GRIK1: variants seen among roughly 807,000 people sequenced by gnomAD.
The protein encoded by GRIK1 is glutamate ionotropic receptor kainate type subunit 1, also known as glutamate receptor ionotropic, kainate 1.
In GRIK1, 69 loss-of-function variants were observed where a neutral mutation model predicts 105.7. The observed-to-expected ratio is 0.65, with a 90% CI of 0.54 to 0.80. The LOEUF is 0.80. Ranked by LOEUF, GRIK1 falls within the 30% of genes least tolerant of loss-of-function variation. The probability of loss-of-function intolerance (pLI) is 0.00; values close to 1 mark genes in which losing one functional copy is unlikely to be tolerated. For synonymous variants in GRIK1, 438 were observed against 431.3 expected, an observed-to-expected ratio of 1.02 and a Z score of -0.19; for missense variants, 1,109 against 1,167.3, an observed-to-expected ratio of 0.95 and a Z score of 0.73.
intron 2 of GRIK1, among the ~76,000 whole-genome samples, chr21:29,693,080 T>G (rs985149509): frequency 6.6e-6 from 1 of 152,166 alleles, no homozygotes; most frequent in Non-Finnish European, 1.5e-5. Flanking sequence ...TGTGTGTATT[T>G]AGTAGGCAAG....
At chr21:29,858,630 C>T (rs936146663) in intron 1 of GRIK1, among the ~76,000 whole-genome samples, 4 of 152,118 alleles carry the variant, frequency 2.6e-5, no homozygotes, top group Non-Finnish European at 5.9e-5. Context: ...GCATGAAAGT[C>T]TTCAGAGGAG....
At chr21:29,692,287 G>T (rs2063598560) in intron 2 of GRIK1, among the ~76,000 whole-genome samples, 1 of 152,136 alleles carries the variant, frequency 6.6e-6, no homozygotes, top group Admixed American at 6.5e-5. Context: ...GCTTTCTACA[G>T]TATTTGCTCC....
intron 1 of GRIK1, among the ~76,000 whole-genome samples, chr21:29,877,352 GT>G (rs2069228160): frequency 1.3e-5 from 2 of 152,054 alleles, no homozygotes; most frequent in Admixed American, 6.6e-5. Context: ...ATGAGGAAAT[GT>G]TTCAAAGTAT....
intron 7 of GRIK1, 69 bp from the exon 8 acceptor site, chr21:29,599,006 A>G: frequency 1.4e-6 from 1 of 720,754 alleles, no homozygotes; most frequent in Non-Finnish European, 2.4e-6. Context: ...CATCAAAATT[A>G]TAATACCTCA....
At chr21:29,604,246 C>G (rs2146342141) in intron 7 of GRIK1, among the ~76,000 whole-genome samples, 1 of 152,224 alleles carries the variant, frequency 6.6e-6, no homozygotes, top group East Asian at 1.9e-4. Flanking sequence ...AAAAAAGTTC[C>G]CTTTTCATGT....
At chr21:29,808,389 A>G (rs1472966789) in intron 1 of GRIK1, among the ~76,000 whole-genome samples, 1 of 152,184 alleles carries the variant, frequency 6.6e-6, no homozygotes, top group Non-Finnish European at 1.5e-5. Flanking sequence ...CAAGCCTAAT[A>G]CAATACACAG....
At chr21:29,623,412 C>A (rs1237986670) in intron 7 of GRIK1, among the ~76,000 whole-genome samples, 1 of 151,584 alleles carries the variant, frequency 6.6e-6, no homozygotes, top group Non-Finnish European at 1.5e-5. Context: ...TAGTTATGAC[C>A]CAAACCCTGC....
At chr21:29,708,711 C>A (rs1054836209) in intron 1 of GRIK1, among the ~76,000 whole-genome samples, 4 of 152,294 alleles carry the variant, frequency 2.6e-5, no homozygotes, top group African/African-American at 9.6e-5. Context: ...CAGCCTGGGA[C>A]GTTGGAGCAG....
chr21:29,666,517 G>C (rs1327605421), intron 4 of GRIK1, among the ~76,000 whole-genome samples: 1 of 152,096 alleles, frequency 6.6e-6, no homozygotes, highest in Admixed American at 6.6e-5. Context: ...TCATTTTCAA[G>C]GTCTCTTTTT....
intron 7 of GRIK1, among the ~76,000 whole-genome samples, chr21:29,603,898 T>A (rs2061565734): frequency 6.6e-6 from 1 of 152,194 alleles, no homozygotes; most frequent in South Asian, 2.1e-4. Flanking sequence ...GATGTAGTTA[T>A]CTTCATTAAA....
chr21:29,595,185 C>T (rs2061387937), intron 9 of GRIK1, among the ~76,000 whole-genome samples: 1 of 151,928 alleles, frequency 6.6e-6, no homozygotes, highest in Non-Finnish European at 1.5e-5. Context: ...AAGTTACAAC[C>T]CTCGGGAGTG....
chr21:29,538,340 C>A (rs978194726), intron 16 of GRIK1, among the ~76,000 whole-genome samples: 2 of 152,044 alleles, frequency 1.3e-5, no homozygotes, highest in Non-Finnish European at 2.9e-5. Flanking sequence ...CAGCATGATT[C>A]CACTTATATG....
intron 14 of GRIK1, among the ~76,000 whole-genome samples, chr21:29,573,245 C>T (rs958258686): frequency 2.0e-5 from 3 of 152,118 alleles, no homozygotes; most frequent in African/African-American, 7.2e-5. Flanking sequence ...GCATTGATGC[C>T]TCATTTTCAG....
Position 29,848,779 on chromosome 21 carries a change from A to ATATATATATATTTT in GRIK1, c.118+90603_118+90604insAAAATATATATATA. 1.1e-3 allele frequency among the ~76,000 whole-genome samples: 85 copies of ATATATATATATTTT among 77,854 alleles called. 1 individual carries two copies. The highest frequency in any genetic ancestry group is 5.8e-3 in the East Asian group (15 of 2,600). 51.1% of individuals were successfully genotyped at this position (77,854 alleles called of 152,430 possible). A position where few individuals can be genotyped will look rare whatever the true frequency, so the allele number is the denominator to read the frequency against. ...TGTATATATATATATATATATATAT[A>ATATATATATATTTT]TTTTTTTTTTTTTCCACGATCTTCA... is the stretch of plus-strand genomic sequence containing the variant. On this transcript the variant is annotated intron_variant, in intron 1 of 17. Coordinates refer to ENST00000327783, the MANE Select transcript of GRIK1 (RefSeq NM_001330994.2).
At chr21:29,539,627 T>C (rs1781712250) in intron 16 of GRIK1, among the ~76,000 whole-genome samples, 1 of 152,242 alleles carries the variant, frequency 6.6e-6, no homozygotes, top group Non-Finnish European at 1.5e-5. Flanking sequence ...AGCAAATTAA[T>C]ATTTTATAGT....
chr21:29,777,048 C>G (rs775261595), intron 1 of GRIK1, among the ~76,000 whole-genome samples: 3 of 152,142 alleles, frequency 2.0e-5, no homozygotes, highest in Non-Finnish European at 2.9e-5. Context: ...CCTGACTGTA[C>G]ATTAGAGTCA....
chr21:29,770,499 G>C (rs924471557), intron 1 of GRIK1, among the ~76,000 whole-genome samples: 6 of 152,186 alleles, frequency 3.9e-5, no homozygotes, highest in African/African-American at 4.8e-5. Context: ...TGCACATGTA[G>C]CCACCACTGT....
At chr21:29,656,278 C>T (rs530994996) in intron 4 of GRIK1, among the ~76,000 whole-genome samples, 4 of 136,814 alleles carry the variant, frequency 2.9e-5, no homozygotes, top group Non-Finnish European at 4.6e-5. Flanking sequence ...AGGAGAACGG[C>T]GTGAACCCGG....
chr21:29,763,719 G>A (rs914252233), intron 1 of GRIK1: 2 of 152,188 alleles, frequency 1.3e-5, no homozygotes, highest in African/African-American at 4.8e-5. Flanking sequence ...TGGAACAGGA[G>A]GGCATGCTGG....
Sources: gnomAD v4.1 joint callset for allele counts (sites outside exome capture counted in the v4.1 genomes callset) on GRCh38, gnomAD v4.1.1 for gene constraint, MANE v1.5 for transcripts, NCBI Gene and HGNC (gene_info 2026-07-23, HGNC 2026-07-21) for gene names.